Variants in THAP12 observed in about 807,000 individuals in gnomAD.
THAP12 encodes THAP domain containing 12.
In THAP12, 20 loss-of-function variants were observed where a neutral mutation model predicts 63.0. That is an observed-to-expected ratio of 0.32 (90% CI 0.22 to 0.46). THAP12 has a LOEUF of 0.46. Among genes scored for constraint, THAP12 ranks in the 20% least tolerant of loss-of-function variants. The pLI, the probability that THAP12 is intolerant of heterozygous loss-of-function variation, is 1.00. For synonymous variants in THAP12, 264 were observed against 328.4 expected, an observed-to-expected ratio of 0.80 and a Z score of 2.12; for missense variants, 568 against 908.2, an observed-to-expected ratio of 0.63 and a Z score of 4.81.
chr11:76,364,971 CTAAA>C (rs1946621059), intron 2 of THAP12, among the ~76,000 whole-genome samples: 2 of 152,114 alleles, frequency 1.3e-5, no homozygotes, highest in Admixed American at 6.6e-5. Flanking sequence ...TTCCTGAAGA[CTAAA>C]TAATATTTAA....
chr11:76,350,111 G>A lies in THAP12; in HGVS notation c.*753C>T, dbSNP rs1387224291. The A allele has an allele frequency of 6.6e-6, 1 of 152,558 alleles. No individual in the cohort carries two copies. The highest frequency in any genetic ancestry group is 6.6e-5 in the Admixed American group (1 of 15,262). The allele number at this position is 152,558 out of a possible 1,614,324, so 9.5% of individuals were successfully genotyped here. ...GGTTTTGCTTATAAATCAAGATGAG[G>A]CAGTATATAAGAGTCATGGAAAAAG... On this transcript the variant is annotated 3_prime_UTR_variant, in exon 5 of 5. Transcript: ENST00000260045.
intron 1 of THAP12, among the ~76,000 whole-genome samples, chr11:76,369,303 A>G (rs752082826): frequency 1.3e-5 from 2 of 152,246 alleles, no homozygotes; most frequent in Non-Finnish European, 2.9e-5. Context: ...ATTGTGGTAT[A>G]TTCATTCAAT....
At chr11:76,366,480 G>A (rs1430423009) in intron 1 of THAP12, among the ~76,000 whole-genome samples, 1 of 152,192 alleles carries the variant, frequency 6.6e-6, no homozygotes, top group African/African-American at 2.4e-5. Context: ...AGGAGATCGA[G>A]ACCATCCTGG....
At chr11:76,366,961 T>C (rs899847693) in intron 1 of THAP12, among the ~76,000 whole-genome samples, 2 of 152,098 alleles carry the variant, frequency 1.3e-5, no homozygotes, top group Non-Finnish European at 2.9e-5. Flanking sequence ...GCCAGACACG[T>C]TCTAAGTCCT....
Position 76,351,232 on chromosome 11 carries a change from C to G in THAP12, c.1918G>C (p.Ala640Pro). 6.4e-7 allele frequency: 1 copy of G among 1,555,110 alleles called. No individual in the cohort carries two copies. The highest frequency in any genetic ancestry group is 1.2e-5 in the South Asian group (1 of 80,634). ...SDLPNPDTLSAELHCWRIKWK... is the reference protein window; with the variant it reads ...SDLPNPDTLSPELHCWRIKWK... ...TTGATTCTCCAACAATGAAGCTCAG[C>G]TGACAGCGTGTCAGGATTGGGTAAG... The change falls in exon 5 of 5, where the codon GCT becomes CCT. Residue 640 changes from alanine to proline, a missense_variant. Physicochemically the swap from Ala to Pro is conservative, Grantham distance 27. Transcript: ENST00000260045.
At chr11:76,360,822 C>A in intron 3 of THAP12, 134 bp downstream of exon 3, 1 of 661,654 alleles carries the variant, frequency 1.5e-6, no homozygotes, top group Non-Finnish European at 2.6e-6. Context: ...TATTTAACAA[C>A]CATAACATTT....
Position 76,353,180 on chromosome 11 carries a change from C to T in THAP12, c.356-386G>A, listed in dbSNP as rs115180631. On this transcript the variant is annotated intron_variant, in intron 4 of 4. Transcript: ENST00000260045. ...GATTAAAGGTGTGAGATACCACATCCGGCCTAATTTTTAAAATACACTTAA... is the reference window on the plus strand; with the variant it reads ...GATTAAAGGTGTGAGATACCACATCTGGCCTAATTTTTAAAATACACTTAA... Among the ~76,000 whole-genome samples the T allele has an allele frequency of 7.7e-4, 117 of 152,172 alleles. 2 individuals are homozygous for T. The highest frequency in any genetic ancestry group is 2.6e-3 in the African/African-American group (109 of 41,520).
intron 1 of THAP12, among the ~76,000 whole-genome samples, chr11:76,378,362 T>G (rs1449000397): frequency 6.6e-6 from 1 of 151,992 alleles, no homozygotes; most frequent in African/African-American, 2.4e-5. Flanking sequence ...GTGGCAGAGG[T>G]TGCAGTGAGC....
At chr11:76,368,264 A>C (rs1302169265) in intron 1 of THAP12, among the ~76,000 whole-genome samples, 5 of 152,336 alleles carry the variant, frequency 3.3e-5, no homozygotes, top group Middle Eastern at 3.4e-3. Flanking sequence ...CTTAAGAATA[A>C]ATCTAGTGAA....
chr11:76,360,057 AG>A (rs1370358182), intron 3 of THAP12, among the ~76,000 whole-genome samples: 1 of 152,222 alleles, frequency 6.6e-6, no homozygotes, highest in Non-Finnish European at 1.5e-5. Context: ...AGTGGACGAA[AG>A]GAAGAACTAA....
chr11:76,360,441 C>G (rs1207339671), intron 3 of THAP12, among the ~76,000 whole-genome samples: 1 of 152,166 alleles, frequency 6.6e-6, no homozygotes, highest in Non-Finnish European at 1.5e-5. Context: ...AGGTGTCAAT[C>G]CTCAGAACTG....
At chr11:76,367,741 T>A (rs1229481901) in intron 1 of THAP12, among the ~76,000 whole-genome samples, 1 of 152,198 alleles carries the variant, frequency 6.6e-6, no homozygotes, top group African/African-American at 2.4e-5. Flanking sequence ...TCCTTTATAA[T>A]TAAATCACAG....
chr11:76,365,412 G>T (rs1187495888), intron 2 of THAP12, among the ~76,000 whole-genome samples: 1 of 151,628 alleles, frequency 6.6e-6, no homozygotes, highest in Non-Finnish European at 1.5e-5. Flanking sequence ...CCAGACAAGC[G>T]CTCACTCTGT....
intron 1 of THAP12, among the ~76,000 whole-genome samples, chr11:76,378,188 G>A (rs1244423611): frequency 6.6e-6 from 1 of 152,204 alleles, no homozygotes; most frequent in Admixed American, 6.5e-5. Context: ...GGAGGCCAAG[G>A]CGGGCAGATC....
intron 1 of THAP12, among the ~76,000 whole-genome samples, chr11:76,369,536 C>T (rs898845642): frequency 8.3e-4 from 126 of 152,216 alleles, no homozygotes; most frequent in African/African-American, 2.2e-3. Context: ...GGCTGGTATC[C>T]GGGAACTTGG....
chr11:76,363,659 G>A (rs1306961474), intron 2 of THAP12, among the ~76,000 whole-genome samples: 1 of 152,254 alleles, frequency 6.6e-6, no homozygotes, highest in South Asian at 2.1e-4. Flanking sequence ...CACAATCTTG[G>A]CTCACTGCAA....
At chr11:76,354,105 G>T (rs937647851) in intron 4 of THAP12, among the ~76,000 whole-genome samples, 1 of 152,186 alleles carries the variant, frequency 6.6e-6, no homozygotes. Context: ...GAACAAGGAG[G>T]GCATTTCAGT....
intron 1 of THAP12, among the ~76,000 whole-genome samples, chr11:76,374,854 G>A (rs1379056772): frequency 6.6e-6 from 1 of 152,134 alleles, no homozygotes; most frequent in Non-Finnish European, 1.5e-5. Flanking sequence ...TTGGGAGGTG[G>A]GGCATCTGGG....
At chr11:76,378,102 A>G (rs1946724075) in intron 1 of THAP12, among the ~76,000 whole-genome samples, 1 of 152,180 alleles carries the variant, frequency 6.6e-6, no homozygotes, top group Non-Finnish European at 1.5e-5. Context: ...TTTTTACTGC[A>G]TGTATTTTGG....
Sources: allele counts gnomAD v4.1 joint callset (sites outside exome capture counted in the v4.1 genomes callset), GRCh38; gene constraint gnomAD v4.1.1; transcripts MANE v1.5; gene names NCBI Gene and HGNC (gene_info 2026-07-23, HGNC 2026-07-21).